Variants in HM13 observed in about 807,000 individuals in gnomAD.
HM13 encodes signal peptide peptidase.
HM13 carries 18 observed loss-of-function variants against 50.0 expected under a neutral mutation model. The ratio of observed to expected loss-of-function variants is 0.36; its 90% CI spans 0.25 to 0.53. The LOEUF is 0.53. HM13 is among the 20% of genes least tolerant of loss of function. The probability of loss-of-function intolerance (pLI) is 0.90; values close to 1 mark genes in which losing one functional copy is unlikely to be tolerated. For missense variants in HM13, 393 were observed against 552.4 expected, an observed-to-expected ratio of 0.71 and a Z score of 2.89; for synonymous variants, 197 against 232.6, an observed-to-expected ratio of 0.85 and a Z score of 1.39.
chr20:31,520,847 C>T (rs777395129), intron 1 of HM13, among the ~76,000 whole-genome samples: 8 of 152,152 alleles, frequency 5.3e-5, no homozygotes, highest in Middle Eastern at 3.2e-3. Context: ...GCTGGGTCAA[C>T]AGTAACAGAA....
chr20:31,553,696 C>G (rs1289577140), intron 7 of HM13, among the ~76,000 whole-genome samples: 3 of 152,056 alleles, frequency 2.0e-5, no homozygotes, highest in African/African-American at 7.2e-5. Flanking sequence ...TTTGCTATAA[C>G]TAGACACAGA....
chr20:31,539,290 T>G, intron 3 of HM13: 1 of 985,510 alleles, frequency 1.0e-6, no homozygotes, highest in South Asian at 4.7e-5. Flanking sequence ...CCAGTATGTT[T>G]CTTTCTGCCC....
At chr20:31,561,903 G>C (rs1000324556) in intron 10 of HM13, among the ~76,000 whole-genome samples, 167 bp downstream of exon 10, 3 of 152,224 alleles carry the variant, frequency 2.0e-5, no homozygotes, top group African/African-American at 7.2e-5. Context: ...TTGCAAGATG[G>C]CTGCCACTGC....
In HM13 at chr20:31,557,726, T is replaced by C. The variant is rs1031848900; in HGVS notation, c.809-1885T>C. Among the ~76,000 whole-genome samples the C allele has an allele frequency of 3.2e-3, 488 of 150,226 alleles. 1 individual carries two copies. The highest frequency in any genetic ancestry group is 4.6e-3 in the Non-Finnish European group (309 of 67,616). ...TTCTTTTTTTTTTTTTTTTTTTTTT[T>C]TGAGATGGAGTTTTGCTCTTGTTGC... On this transcript the variant is annotated intron_variant, in intron 8 of 12. Transcript: ENST00000398174.
intron 2 of HM13, among the ~76,000 whole-genome samples, chr20:31,529,613 T>A (rs1555839863): frequency 6.6e-6 from 1 of 152,090 alleles, no homozygotes; most frequent in South Asian, 2.1e-4. Flanking sequence ...AGGATGTCTT[T>A]AATTTACATC....
intron 3 of HM13, among the ~76,000 whole-genome samples, chr20:31,543,584 G>C (rs573554254): frequency 8.6e-5 from 13 of 151,922 alleles, no homozygotes; most frequent in Non-Finnish European, 1.8e-4. Flanking sequence ...ACTGCACCTG[G>C]CCAGAGAGGG....
chr20:31,544,289 C>A (rs139634095), intron 3 of HM13, among the ~76,000 whole-genome samples: 1 of 152,362 alleles, frequency 6.6e-6, no homozygotes, highest in East Asian at 1.9e-4. Flanking sequence ...AAGGTCTCTG[C>A]TTCCTTCCTG....
At chr20:31,524,710 C>CTTTTTT (rs1156549702) in intron 1 of HM13, among the ~76,000 whole-genome samples, 1 of 110,760 alleles carries the variant, frequency 9.0e-6, no homozygotes, top group Non-Finnish European at 1.9e-5. Flanking sequence ...TGTTGTGTGG[C>CTTTTTT]TTTTTTTTTT....
chr20:31,529,786 G>A (rs1401983203), intron 2 of HM13, among the ~76,000 whole-genome samples: 1 of 152,056 alleles, frequency 6.6e-6, no homozygotes, highest in African/African-American at 2.4e-5. Context: ...GGCCAACGTG[G>A]TGAAACCCGG....
Position 31,514,720 on chromosome 20 carries a change from T to G in HM13, c.169T>G (p.Cys57Gly). Reference protein sequence around the residue: ...IFFGALRSVRCARGKNASDMP... With the variant: ...IFFGALRSVRGARGKNASDMP... ...CTTCGGCGCCCTGCGCTCCGTACGCTGCGCCCGCGGCAAGGTAGGGTCAGC... is the reference window on the plus strand; with the variant it reads ...CTTCGGCGCCCTGCGCTCCGTACGCGGCGCCCGCGGCAAGGTAGGGTCAGC... Residue 57 changes from cysteine (C) to glycine (G), a missense_variant, in exon 1 of 13, where the codon TGC (cysteine) becomes GGC (glycine). Cys to Gly is a radical substitution (Grantham distance 159). This residue lies in a region of HM13 where 214 missense variants were observed against 276.1 expected (regional missense o/e 0.77). Coordinates refer to ENST00000398174, the MANE Select transcript of HM13 (RefSeq NM_178581.3). This position sits in a 1 kb window ranked among gnomAD's most constrained non-coding sequence, Gnocchi z 4.3. 1 of 1,537,852 alleles carries G rather than the reference T, an allele frequency of 6.5e-7. No homozygotes were observed. The highest frequency in any genetic ancestry group is 8.8e-7 in the Non-Finnish European group (1 of 1,142,438).
At chr20:31,545,075 G>A (rs753750685) in intron 4 of HM13, 40 bp downstream of exon 4, 5 of 1,478,250 alleles carry the variant, frequency 3.4e-6, no homozygotes, top group Non-Finnish European at 4.7e-6. Flanking sequence ...TGCCTTGGGT[G>A]TCTTCCTCCA....
At chr20:31,525,929 C>G (rs1365185399) in intron 1 of HM13, among the ~76,000 whole-genome samples, 1 of 151,948 alleles carries the variant, frequency 6.6e-6, no homozygotes, top group Non-Finnish European at 1.5e-5. Context: ...AGTTTGAGAC[C>G]AGCCTGGCCG....
At chr20:31,527,666 G>A (rs1982577653) in intron 2 of HM13, 84 bp downstream of exon 2, 4 of 951,408 alleles carry the variant, frequency 4.2e-6, no homozygotes, top group Admixed American at 4.4e-5. Flanking sequence ...CAAGAACCAT[G>A]CATGTTCATT....
At chr20:31,554,550 TG>T in intron 7 of HM13, 195 bp from the exon 8 acceptor site, 1 of 521,922 alleles carries the variant, frequency 1.9e-6, no homozygotes, top group South Asian at 2.1e-5. Flanking sequence ...GGTGCGGTGG[TG>T]GGCGCCTGTA....
intron 4 of HM13, among the ~76,000 whole-genome samples, chr20:31,546,061 T>C (rs1297969865): frequency 6.7e-6 from 1 of 148,656 alleles, no homozygotes; most frequent in Admixed American, 6.7e-5. Flanking sequence ...TTTTTTTTTT[T>C]TTTTTCGAGA....
chr20:31,521,317 G>A (rs943277653), intron 1 of HM13, among the ~76,000 whole-genome samples: 10 of 152,206 alleles, frequency 6.6e-5, no homozygotes, highest in African/African-American at 2.4e-4. Context: ...TTTGGGGTCT[G>A]GAACTGGACT....
At chr20:31,554,373 G>C (rs1019468913) in intron 7 of HM13, among the ~76,000 whole-genome samples, 4 of 127,804 alleles carry the variant, frequency 3.1e-5, no homozygotes, top group African/African-American at 8.9e-5. Flanking sequence ...AGCAAGCCCC[G>C]TCTCAAAAAA....
At chr20:31,554,192 TG>T (rs1984174619) in intron 7 of HM13, among the ~76,000 whole-genome samples, 1 of 150,892 alleles carries the variant, frequency 6.6e-6, no homozygotes, top group Non-Finnish European at 1.5e-5. Flanking sequence ...ACAACAAGAA[TG>T]GGGGGTTAGG....
intron 3 of HM13, chr20:31,539,976 G>A (rs1983343828): frequency 1.3e-5 from 2 of 152,182 alleles, no homozygotes; most frequent in African/African-American, 4.8e-5. Flanking sequence ...CCTATAAAAT[G>A]GAGAGACTAC....
Sources: allele counts gnomAD v4.1 joint callset (sites outside exome capture counted in the v4.1 genomes callset), GRCh38; gene constraint gnomAD v4.1.1; regional missense constraint gnomAD v4.1.1; non-coding constraint Gnocchi (gnomAD v3.1); transcripts MANE v1.5; gene names NCBI Gene and HGNC (gene_info 2026-07-23, HGNC 2026-07-21).